The following CDIN1 variants were observed in gnomAD, a reference collection of about 807,000 sequenced individuals.
The protein encoded by CDIN1 is CDAN1-interacting nuclease 1.
In CDIN1, 33 loss-of-function variants were observed where a neutral mutation model predicts 45.3. That is an observed-to-expected ratio of 0.73 (90% CI 0.55 to 0.97). The LOEUF is 0.97. Among genes scored for constraint, CDIN1 ranks in the 50% least tolerant of loss-of-function variants. The probability of loss-of-function intolerance (pLI) is 0.00; values close to 1 mark genes in which losing one functional copy is unlikely to be tolerated. For missense variants in CDIN1, 303 were observed against 339.4 expected, an observed-to-expected ratio of 0.89 and a Z score of 0.84; for synonymous variants, 118 against 124.4, an observed-to-expected ratio of 0.95 and a Z score of 0.34.
At chr15:36,612,959 A>G (rs150294245) in intron 1 of CDIN1, among the ~76,000 whole-genome samples, 1 of 152,356 alleles carries the variant, frequency 6.6e-6, no homozygotes, top group African/African-American at 2.4e-5. Flanking sequence ...TATTGTAGCC[A>G]TTATCAAAAT....
chr15:36,647,477 C>T (rs978341460), intron 3 of CDIN1: 1 of 152,122 alleles, frequency 6.6e-6, no homozygotes, highest in Non-Finnish European at 1.5e-5. Flanking sequence ...TGAAGTTAGA[C>T]CGTAATGGGC....
chr15:36,731,888 A>G (rs1256065122), intron 10 of CDIN1, among the ~76,000 whole-genome samples: 2 of 152,186 alleles, frequency 1.3e-5, no homozygotes, highest in Admixed American at 6.5e-5. Flanking sequence ...AGATATTTAT[A>G]AACTTGGGAT....
chr15:36,587,920 G>A (rs2140173591), intron 1 of CDIN1, among the ~76,000 whole-genome samples: 1 of 152,268 alleles, frequency 6.6e-6, no homozygotes, highest in Admixed American at 6.5e-5. Context: ...AGGCTGTGGT[G>A]ACGGTGAAGT....
chr15:36,801,670 A>G (rs1415090881), intron 10 of CDIN1, among the ~76,000 whole-genome samples: 1 of 152,156 alleles, frequency 6.6e-6, no homozygotes, highest in Non-Finnish European at 1.5e-5. Context: ...ATTCTGCCCC[A>G]TAACTTCTGA....
chr15:36,692,256 A>G, intron 7 of CDIN1, 81 bp downstream of exon 7: 1 of 1,348,186 alleles, frequency 7.4e-7, no homozygotes, highest in Non-Finnish European at 1.0e-6. Flanking sequence ...AACCTGACAT[A>G]AAGTTCTGCT....
intron 10 of CDIN1, among the ~76,000 whole-genome samples, chr15:36,800,903 G>GTATATATATATATATA (rs1372710724): frequency 2.5e-4 from 5 of 20,024 alleles, no homozygotes; most frequent in African/African-American, 3.8e-4. Flanking sequence ...GTGTGTGTGT[G>GTATATATATATATATA]TGTGTGTATA....
At chr15:36,626,105 TA>T (rs2039411213) in intron 1 of CDIN1, among the ~76,000 whole-genome samples, 1 of 151,488 alleles carries the variant, frequency 6.6e-6, no homozygotes, top group African/African-American at 2.4e-5. Context: ...ATATGTATGT[TA>T]AAATTGCATG....
At chr15:36,689,703 C>T (rs1336734916) in intron 5 of CDIN1, among the ~76,000 whole-genome samples, 1 of 152,110 alleles carries the variant, frequency 6.6e-6, no homozygotes, top group Admixed American at 6.6e-5. Flanking sequence ...ACTATTGCTG[C>T]TGTAATCTTT....
Position 36,690,045 on chromosome 15 carries a change from G to C in CDIN1, c.347-1640G>C, listed in dbSNP as rs547804646. Among the ~76,000 whole-genome samples the C allele has an allele frequency of 1.1e-4, 17 of 152,234 alleles. No homozygotes were observed. The South Asian group carries it at 3.5e-3, about 32-fold the overall frequency. On this transcript the variant is annotated intron_variant, in intron 5 of 10. Coordinates refer to ENST00000566621, the MANE Select transcript of CDIN1 (RefSeq NM_001321759.2). Reference sequence around the variant, plus strand: ...GAGATAGGGCTGGATAGGATAGCTGGGTGATGCTCTTTTGGAGATTCCATA... The same window carrying C: ...GAGATAGGGCTGGATAGGATAGCTGCGTGATGCTCTTTTGGAGATTCCATA...
At chr15:36,636,141 A>T (rs1030303127) in intron 1 of CDIN1, among the ~76,000 whole-genome samples, 1 of 152,262 alleles carries the variant, frequency 6.6e-6, no homozygotes, top group Non-Finnish European at 1.5e-5. Flanking sequence ...CATAAAAAGC[A>T]AAGTTAAAAG....
intron 10 of CDIN1, among the ~76,000 whole-genome samples, chr15:36,735,679 CTG>C (rs962572241): frequency 6.8e-5 from 8 of 117,550 alleles, no homozygotes; most frequent in African/African-American, 2.4e-4. Flanking sequence ...AATTGGTAGA[CTG>C]TAAGATAAGT....
chr15:36,675,124 A>C (rs1480613038), intron 5 of CDIN1, among the ~76,000 whole-genome samples: 2 of 152,114 alleles, frequency 1.3e-5, no homozygotes, highest in African/African-American at 4.8e-5. Context: ...TGTTCTTATT[A>C]TCCTGGCATA....
chr15:36,646,390 CAAAG>C (rs539955437), intron 3 of CDIN1, among the ~76,000 whole-genome samples: 6 of 151,954 alleles, frequency 3.9e-5, no homozygotes, highest in Non-Finnish European at 7.4e-5. Context: ...TAATACCTGT[CAAAG>C]AAAGATAACA....
At chr15:36,645,190 G>T (rs1566861515) in intron 2 of CDIN1, 33 bp from the exon 3 acceptor site, 26 of 1,513,772 alleles carry the variant, frequency 1.7e-5, no homozygotes, top group Non-Finnish European at 2.1e-5. Context: ...ACATATCAAA[G>T]ATTTTTTTGT....
In CDIN1 at chr15:36,805,570, T is replaced by C. The variant is rs561511598; in HGVS notation, c.717-2754T>C. Among the ~76,000 whole-genome samples, 199 of 152,334 alleles carry C rather than the reference T, an allele frequency of 1.3e-3. 5 individuals are homozygous for C. The highest frequency in any genetic ancestry group is 1.6e-3 in the Non-Finnish European group (106 of 68,024). ...CTGCATTTGACCTAAATAAAAATTT[T>C]CTAGGGTCCTATTTTACACCTCTTC... On this transcript the variant is annotated intron_variant, in intron 10 of 10. Coordinates refer to ENST00000566621, the MANE Select transcript of CDIN1 (RefSeq NM_001321759.2).
chr15:36,727,124 A>G (rs1240405339), intron 10 of CDIN1, among the ~76,000 whole-genome samples: 1 of 152,120 alleles, frequency 6.6e-6, no homozygotes, highest in Non-Finnish European at 1.5e-5. Flanking sequence ...AGTTGATCAT[A>G]AATGTCAGGA....
intron 1 of CDIN1, among the ~76,000 whole-genome samples, chr15:36,584,689 C>T (rs112190367): frequency 2.0e-5 from 3 of 152,212 alleles, no homozygotes; most frequent in African/African-American, 2.4e-5. Flanking sequence ...GCACGGGACA[C>T]GCTCACACAC....
In CDIN1 at chr15:36,712,260, C is replaced by CTTTTTTTTT. The variant is rs780494427; in HGVS notation, c.716+2314_716+2322dup. On this transcript the variant is annotated intron_variant, in intron 10 of 10. Coordinates refer to ENST00000566621, the MANE Select transcript of CDIN1 (RefSeq NM_001321759.2). Reference sequence around the variant, plus strand: ...TTCAATTACTATTTATAGACTAATGCTTTTTTTTTTTTTTTTTTTTTTTGA... The same window carrying CTTTTTTTTT: ...TTCAATTACTATTTATAGACTAATGCTTTTTTTTTTTTTTTTTTTTTTTTTTTTTTTTGA... Among the ~76,000 whole-genome samples, 35 of 77,392 alleles carry CTTTTTTTTT rather than the reference C, an allele frequency of 4.5e-4. 1 individual carries two copies. Among genetic ancestry groups the CTTTTTTTTT allele is most frequent in the East Asian group, 8.8e-4 (2 of 2,260 alleles). 50.8% of individuals were successfully genotyped at this position (77,392 alleles called of 152,430 possible). A position where few individuals can be genotyped will look rare whatever the true frequency, so the allele number is the denominator to read the frequency against.
intron 10 of CDIN1, among the ~76,000 whole-genome samples, chr15:36,785,642 G>A (rs2054470767): frequency 6.6e-6 from 1 of 152,150 alleles, no homozygotes; most frequent in Non-Finnish European, 1.5e-5. Flanking sequence ...TTGAAAACTT[G>A]CTCTCCAGTG....
Sources: allele counts gnomAD v4.1 joint callset (sites outside exome capture counted in the v4.1 genomes callset), GRCh38; gene constraint gnomAD v4.1.1; transcripts MANE v1.5; gene names NCBI Gene and HGNC (gene_info 2026-07-23, HGNC 2026-07-21).